CTNND1: variants seen among roughly 807,000 people sequenced by gnomAD.
CTNND1 encodes the protein catenin delta-1.
A neutral mutation model predicts 112.1 loss-of-function variants in CTNND1; 16 were observed. That is an observed-to-expected ratio of 0.14 (90% CI 0.10 to 0.22). The LOEUF (loss-of-function observed/expected upper bound fraction) is 0.22. Among genes scored for constraint, CTNND1 ranks in the 10% least tolerant of loss-of-function variants. The pLI, the probability that CTNND1 is intolerant of heterozygous loss-of-function variation, is 1.00. For synonymous variants in CTNND1, 420 were observed against 446.5 expected, an observed-to-expected ratio of 0.94 and a Z score of 0.75; for missense variants, 1,008 against 1,257.0, an observed-to-expected ratio of 0.80 and a Z score of 3.00.
intron 1 of CTNND1, among the ~76,000 whole-genome samples, chr11:57,778,088 C>G (rs2059198916): frequency 6.6e-6 from 1 of 152,156 alleles, no homozygotes; most frequent in Admixed American, 6.5e-5. Flanking sequence ...GTCTTGACCT[C>G]TTTGCCGCCA....
At chr11:57,807,031 G>A (rs1400013284) in intron 12 of CTNND1, 48 bp downstream of exon 12, 4 of 1,424,834 alleles carry the variant, frequency 2.8e-6, no homozygotes, top group Non-Finnish European at 9.7e-7. Context: ...ATAGTACAAA[G>A]ATAAGATATT....
At chr11:57,803,851 G>C in intron 8 of CTNND1, 47 bp downstream of exon 8, 1 of 1,333,032 alleles carries the variant, frequency 7.5e-7, no homozygotes, top group South Asian at 1.7e-5. Context: ...TTTGAGGACT[G>C]ACTTAAATTT....
At chr11:57,812,678 T>A (rs921239597) in intron 17 of CTNND1, among the ~76,000 whole-genome samples, 1 of 152,188 alleles carries the variant, frequency 6.6e-6, no homozygotes, top group Non-Finnish European at 1.5e-5. Flanking sequence ...AGCCACTTTT[T>A]AATTGTTTAT....
intron 1 of CTNND1, among the ~76,000 whole-genome samples, chr11:57,775,023 T>G (rs1953798537): frequency 6.6e-6 from 1 of 151,416 alleles, no homozygotes; most frequent in Non-Finnish European, 1.5e-5. Flanking sequence ...TATGAGGGTT[T>G]TTTTTTTTTT....
chr11:57,804,007 T>C, intron 8 of CTNND1: 1 of 423,292 alleles, frequency 2.4e-6, no homozygotes, highest in Non-Finnish European at 4.2e-6. Context: ...TTTCTTGCTG[T>C]TCCCCACACA....
chr11:57,765,853 A>G (rs891577440), intron 1 of CTNND1, among the ~76,000 whole-genome samples: 1 of 152,178 alleles, frequency 6.6e-6, no homozygotes, highest in Admixed American at 6.5e-5. Context: ...CTTTCTTGGC[A>G]AGTGGTACAA....
chr11:57,771,001 G>A (rs1474983929), intron 1 of CTNND1, among the ~76,000 whole-genome samples: 1 of 152,004 alleles, frequency 6.6e-6, no homozygotes, highest in African/African-American at 2.4e-5. Flanking sequence ...TGTTAACTGG[G>A]GCACAGTTGG....
At chr11:57,768,454 C>T (rs1258238098) in intron 1 of CTNND1, among the ~76,000 whole-genome samples, 9 of 139,432 alleles carry the variant, frequency 6.5e-5, no homozygotes, top group African/African-American at 2.2e-4. Context: ...AGTGCAGTGG[C>T]GCGATCTCGG....
intron 19 of CTNND1, chr11:57,815,706 A>T: frequency 1.3e-6 from 1 of 783,514 alleles, no homozygotes; most frequent in Non-Finnish European, 2.3e-6. Flanking sequence ...CATGTCTGTA[A>T]AAGTGTTACT....
chr11:57,801,876 A>C lies in CTNND1; in HGVS notation c.1100A>C (p.Glu367Ala). Reference sequence around the variant, plus strand: ...CCACCTCCTAATTGGAGACAGCCAGAGCTGCCAGAGGTGATCGCCATGCTT... The same window carrying C: ...CCACCTCCTAATTGGAGACAGCCAGCGCTGCCAGAGGTGATCGCCATGCTT... ...GPPPPNWRQP[E>A]LPEVIAMLGF... The change falls in exon 7 of 21, where the codon GAG (glutamate) becomes GCG (alanine). Residue 367 changes from glutamate (E) to alanine (A), a missense_variant. Transcript: ENST00000399050. The C allele has an allele frequency of 6.2e-6, 10 of 1,614,048 alleles. No individual in the cohort carries two copies. Among genetic ancestry groups the C allele is most frequent in the Non-Finnish European group, 8.5e-6 (10 of 1,179,892 alleles).
chr11:57,782,571 G>A (rs981574585), intron 1 of CTNND1, among the ~76,000 whole-genome samples: 1 of 152,204 alleles, frequency 6.6e-6, no homozygotes, highest in African/African-American at 2.4e-5. Context: ...TGGCTCAGCT[G>A]GAACAGTTGG....
chr11:57,778,908 G>T (rs2136247075), intron 1 of CTNND1, among the ~76,000 whole-genome samples: 1 of 152,322 alleles, frequency 6.6e-6, no homozygotes, highest in Non-Finnish European at 1.5e-5. Flanking sequence ...GGGTCTCGGA[G>T]CATCTAGCTA....
At position 57,802,006 on chromosome 11, in the gene CTNND1, C is replaced by T. The variant is rs1359126650; in HGVS notation, c.1230C>T (p.Ile410=). 1.5e-5 allele frequency: 25 copies of T among 1,613,928 alleles called. No homozygotes were observed. Among genetic ancestry groups the T allele is most frequent in the African/African-American group, 2.7e-5 (2 of 74,936 alleles). Residue 410 remains isoleucine, a synonymous_variant, in exon 7 of 21, where the codon ATC becomes ATT. Coordinates refer to ENST00000399050, the MANE Select transcript of CTNND1 (RefSeq NM_001085458.2). ...CTGACGTGCGGAAGCTCAAGGGCAT[C>T]CCAGTACTGGTGGGATTGTTAGACC... is the stretch of plus-strand genomic sequence containing the variant. ...VKTDVRKLKG[I]PVLVGLLDHP...
At chr11:57,783,432 G>A (rs1316506465) in intron 1 of CTNND1, among the ~76,000 whole-genome samples, 1 of 152,112 alleles carries the variant, frequency 6.6e-6, no homozygotes, top group East Asian at 1.9e-4. Flanking sequence ...GGCCGCGGCG[G>A]GTGGATCACG....
At chr11:57,805,826 G>A (rs1345230502) in intron 9 of CTNND1, 56 bp from the exon 10 acceptor site, 2 of 1,572,392 alleles carry the variant, frequency 1.3e-6, no homozygotes, top group Non-Finnish European at 1.7e-6. Context: ...ACCTGTACTT[G>A]TGGAGAAATC....
chr11:57,800,410 G>A (rs1225053180), intron 6 of CTNND1, among the ~76,000 whole-genome samples: 1 of 152,020 alleles, frequency 6.6e-6, no homozygotes, highest in Non-Finnish European at 1.5e-5. Flanking sequence ...TGGGATTACA[G>A]GTGCCCACCA....
chr11:57,769,710 A>G (rs927979062), intron 1 of CTNND1, among the ~76,000 whole-genome samples: 1 of 151,926 alleles, frequency 6.6e-6, no homozygotes, highest in Non-Finnish European at 1.5e-5. Context: ...ACTAACAGTT[A>G]ACATAAAGAC....
rs777580736 is a variant in CTNND1 at position 57,802,184 on chromosome 11, G to A, written c.1408G>A (p.Glu470Lys). The change falls in exon 7 of 21, where the codon GAA (glutamate) becomes AAA (lysine). Residue 470 changes from glutamate to lysine, a missense_variant. Glu to Lys is a moderately conservative substitution (Grantham distance 56). This residue lies in a region of CTNND1 where 216 missense variants were observed against 342.8 expected (regional missense o/e 0.63). Coordinates refer to ENST00000399050, the MANE Select transcript of CTNND1 (RefSeq NM_001085458.2). ...LRKARDMDLT[E>K]VITGTLWNLS... Reference sequence around the variant, plus strand: ...AAAGGCTCGTGATATGGACCTTACTGAAGTTATTACCGGTGAGTTCTAGGC... The same window carrying A: ...AAAGGCTCGTGATATGGACCTTACTAAAGTTATTACCGGTGAGTTCTAGGC... The A allele has an allele frequency of 6.2e-7, 1 of 1,611,022 alleles. No homozygotes were observed. The highest frequency in any genetic ancestry group is 1.7e-5 in the Admixed American group (1 of 59,840).
chr11:57,806,645 A>G, intron 11 of CTNND1, 167 bp downstream of exon 11: 1 of 674,884 alleles, frequency 1.5e-6, no homozygotes. Context: ...AGCTCACGGC[A>G]TGCTGTTTCT....
Sources: gnomAD v4.1 joint callset for allele counts (sites outside exome capture counted in the v4.1 genomes callset) on GRCh38, gnomAD v4.1.1 for gene constraint, gnomAD v4.1.1 regional missense constraint, MANE v1.5 for transcripts, NCBI Gene and HGNC (gene_info 2026-07-23, HGNC 2026-07-21) for gene names.